Variants in DAB1 observed in about 807,000 individuals in gnomAD.
The protein encoded by DAB1 is DAB adaptor protein 1, also known as disabled homolog 1.
Under a neutral mutation model 64.6 loss-of-function variants are expected in DAB1, and 15 were observed. The observed-to-expected ratio is 0.23, with a 90% CI of 0.16 to 0.36. The LOEUF is 0.36. Ranked by LOEUF, DAB1 falls within the 10% of genes least tolerant of loss-of-function variation. The probability of loss-of-function intolerance (pLI) is 1.00; values close to 1 mark genes in which losing one functional copy is unlikely to be tolerated. For synonymous variants in DAB1, 235 were observed against 251.9 expected (o/e 0.93, Z 0.64); for missense variants, 596 against 706.7 (o/e 0.84, Z 1.78).
At chr1:57,714,488 G>C (rs1647062079) in intron 6 of DAB1, among the ~76,000 whole-genome samples, 1 of 152,190 alleles carries the variant, frequency 6.6e-6, no homozygotes, top group Admixed American at 6.5e-5. Context: ...CTGGGGAGAA[G>C]ATCCCAGAGC....
chr1:57,997,795 T>C (rs1452909800), intron 5 of DAB1, among the ~76,000 whole-genome samples: 1 of 151,920 alleles, frequency 6.6e-6, no homozygotes. Flanking sequence ...AACAACCTCG[T>C]TGCTGCTGAA....
intron 5 of DAB1, among the ~76,000 whole-genome samples, chr1:58,123,538 C>A (rs1373507628): frequency 6.6e-6 from 1 of 152,100 alleles, no homozygotes; most frequent in African/African-American, 2.4e-5. Flanking sequence ...AACAGTTTAC[C>A]TTGACGAAGC....
chr1:58,258,195 CTG>C lies in DAB1; in HGVS notation n.309+85155_309+85156del, dbSNP rs1660976814. Among the ~76,000 whole-genome samples the C allele has an allele frequency of 2.0e-5, 3 of 152,260 alleles. No homozygotes were observed. In the South Asian group the frequency reaches 6.2e-4, roughly 32 times the overall value. Reference sequence around the variant, plus strand: ...GTCTGAGAACCCCGCGAAGGAGCAGCTGTGTCTGTCAGCCTCACAGGCAGTGA... The same window carrying C: ...GTCTGAGAACCCCGCGAAGGAGCAGCTGTCTGTCAGCCTCACAGGCAGTGA... On this transcript the variant is annotated intron_variant and non_coding_transcript_variant, in intron 4 of 20. Coordinates refer to the DAB1 transcript ENST00000485760.
chr1:57,144,388 G>T (rs1407105628), intron 3 of DAB1, among the ~76,000 whole-genome samples: 3 of 151,832 alleles, frequency 2.0e-5, no homozygotes, highest in Non-Finnish European at 4.4e-5. Context: ...AATTTATTTT[G>T]TATATTTAAA....
At chr1:57,379,225 T>C (rs1681163632) in intron 1 of DAB1, among the ~76,000 whole-genome samples, 1 of 152,096 alleles carries the variant, frequency 6.6e-6, no homozygotes, top group African/African-American at 2.4e-5. Context: ...TGAGATCACA[T>C]AGGTCTCCAC....
intron 4 of DAB1, among the ~76,000 whole-genome samples, chr1:58,299,298 A>G (rs1249662128): frequency 6.6e-6 from 1 of 152,228 alleles, no homozygotes; most frequent in Non-Finnish European, 1.5e-5. Flanking sequence ...TCCAAAGAGT[A>G]TGTCCTTCCC....
intron 4 of DAB1, among the ~76,000 whole-genome samples, chr1:57,089,454 C>G (rs1385477208): frequency 2.0e-5 from 3 of 152,082 alleles, no homozygotes; most frequent in East Asian, 3.9e-4. Flanking sequence ...ATTTCCAGAG[C>G]AACCCCTTAT....
chr1:57,082,505 T>C (rs1365576886), intron 4 of DAB1, among the ~76,000 whole-genome samples: 1 of 152,238 alleles, frequency 6.6e-6, no homozygotes, highest in Non-Finnish European at 1.5e-5. Flanking sequence ...TTTCTTTTTC[T>C]GTTTTATGTT....
chr1:57,820,255 G>A (rs889288920), intron 6 of DAB1, among the ~76,000 whole-genome samples: 3 of 152,102 alleles, frequency 2.0e-5, no homozygotes, highest in Non-Finnish European at 4.4e-5. Context: ...CCAAAGTTAC[G>A]CATTTCACCA....
At chr1:57,439,087 G>T (rs1685809347) in intron 7 of DAB1, among the ~76,000 whole-genome samples, 1 of 152,150 alleles carries the variant, frequency 6.6e-6, no homozygotes, top group African/African-American at 2.4e-5. Context: ...TGTCTAACTA[G>T]ACCGAGTCTC....
intron 5 of DAB1, among the ~76,000 whole-genome samples, chr1:57,974,741 A>T (rs1181770370): frequency 6.6e-6 from 1 of 152,160 alleles, no homozygotes; most frequent in East Asian, 1.9e-4. Context: ...CATACCAGAT[A>T]TCATCTATAC....
chr1:57,583,378 C>T (rs1370782228), intron 7 of DAB1, among the ~76,000 whole-genome samples: 1 of 151,658 alleles, frequency 6.6e-6, no homozygotes, highest in East Asian at 1.9e-4. Flanking sequence ...CCTCTGCCTC[C>T]CAGGTTCAAG....
chr1:57,833,173 A>G (rs533193479), intron 1 of DAB1, among the ~76,000 whole-genome samples: 4 of 152,070 alleles, frequency 2.6e-5, no homozygotes, highest in East Asian at 3.9e-4. Flanking sequence ...GTTATTGCCT[A>G]TTATCGGTGG....
intron 2 of DAB1, among the ~76,000 whole-genome samples, chr1:58,510,797 A>G (rs1646063742): frequency 6.6e-6 from 1 of 152,192 alleles, no homozygotes; most frequent in South Asian, 2.1e-4. Flanking sequence ...AAAAATCAGC[A>G]TACAAAAGTC....
chr1:58,119,212 TTGTGTGTGTGTGCGTGTGTGTG>T (rs1652581900), intron 5 of DAB1, among the ~76,000 whole-genome samples: 1 of 122,254 alleles, frequency 8.2e-6, no homozygotes, highest in South Asian at 2.8e-4. Flanking sequence ...AAATCAAATA[TTGTGTGTGTGTGCGTGTGTGTG>T]TGTGTGTGTG....
At chr1:57,090,180 T>A (rs902925200) in intron 4 of DAB1, among the ~76,000 whole-genome samples, 1 of 152,172 alleles carries the variant, frequency 6.6e-6, no homozygotes, top group Admixed American at 6.5e-5. Context: ...GTGAAGCTTA[T>A]CAAAGAGATG....
chr1:57,908,575 T>C (rs1644592976), intron 5 of DAB1, among the ~76,000 whole-genome samples: 2 of 151,746 alleles, frequency 1.3e-5, no homozygotes, highest in Admixed American at 1.3e-4. Flanking sequence ...ACAGGCACAA[T>C]CCTGCCTACC....
Position 57,024,173 on chromosome 1 carries a change from C to G in DAB1, c.787-534G>C, listed in dbSNP as rs373855922. Among the ~76,000 whole-genome samples the G allele has an allele frequency of 1.2e-4, 19 of 152,130 alleles. No individual in the cohort carries two copies. In the East Asian group the frequency reaches 3.7e-3, roughly 30 times the overall value. On this transcript the variant is annotated intron_variant, in intron 10 of 14. Transcript: ENST00000371236. ...ACAGACCCTTGTATCCTGGTGCCCC[C>G]CCGCCACACCCCCCGTCAGCGCCCC...
In DAB1 at chr1:57,615,401, T is replaced by C. The variant is rs1328828728; in HGVS notation, n.625+34191A>G. ...CTACTTGGAACGTGGATGTAATGGC[T>C]GAAGAGCCATCCTGAAGGACAGAGC... On this transcript the variant is annotated intron_variant and non_coding_transcript_variant, in intron 7 of 20. Transcript: ENST00000485760. 4.6e-5 allele frequency among the ~76,000 whole-genome samples: 7 copies of C among 152,206 alleles called. No homozygotes were observed. The South Asian group carries it at 1.2e-3, about 27-fold the overall frequency.
Sources: allele counts gnomAD v4.1 joint callset (sites outside exome capture counted in the v4.1 genomes callset), GRCh38; gene constraint gnomAD v4.1.1; transcripts MANE v1.5; gene names NCBI Gene and HGNC (gene_info 2026-07-23, HGNC 2026-07-21).